Variants in GABRG1 observed in about 807,000 individuals in gnomAD.
GABRG1 encodes gamma-aminobutyric acid receptor subunit gamma-1.
In GABRG1, 49 loss-of-function variants were observed where a neutral mutation model predicts 49.8. The observed-to-expected ratio is 0.98, with a 90% CI of 0.78 to 1.25. GABRG1 has a LOEUF of 1.25. Among genes scored for constraint, GABRG1 ranks in the 50% most tolerant of loss-of-function variants. GABRG1 has a pLI of 0.00. For missense variants in GABRG1, 552 were observed against 552.3 expected, an observed-to-expected ratio of 1.00 and a Z score of 0.01; for synonymous variants, 232 against 185.1, an observed-to-expected ratio of 1.25 and a Z score of -2.06.
At chr4:46,092,272 T>A (rs1909018) in intron 2 of GABRG1, among the ~76,000 whole-genome samples, 15,987 of 152,026 alleles carry the variant, frequency 0.11, 1,916 homozygotes, top group African/African-American at 0.29. Context: ...ATAATAATCA[T>A]GTCTTTTGGT....
intron 2 of GABRG1, among the ~76,000 whole-genome samples, chr4:46,096,829 G>T (rs903018625): frequency 6.6e-6 from 1 of 151,550 alleles, no homozygotes; most frequent in Non-Finnish European, 1.5e-5. Context: ...AATATGGCAT[G>T]AAAAAGTATA....
At chr4:46,083,629 C>T (rs1480299986) in intron 3 of GABRG1, among the ~76,000 whole-genome samples, 1 of 151,554 alleles carries the variant, frequency 6.6e-6, no homozygotes, top group East Asian at 1.9e-4. Context: ...TTTGTGCATG[C>T]TGCTTTCTCT....
chr4:46,040,951 G>C lies in GABRG1; in HGVS notation c.*37C>G. On this transcript the variant is annotated 3_prime_UTR_variant, in exon 9 of 9. Coordinates refer to ENST00000295452, the MANE Select transcript of GABRG1 (RefSeq NM_173536.4). ...AGCACAAAAGATTCTACTGAATTTA[G>C]TCAGACTTCTTTTGATTTTTGCTTA... 1 of 1,575,162 alleles carries C rather than the reference G, an allele frequency of 6.3e-7. No homozygotes were observed. Among genetic ancestry groups the C allele is most frequent in the Non-Finnish European group, 8.6e-7 (1 of 1,159,574 alleles).
At chr4:46,083,873 A>G in intron 3 of GABRG1, 113 bp downstream of exon 3, 1 of 691,624 alleles carries the variant, frequency 1.4e-6, no homozygotes, top group Non-Finnish European at 2.6e-6. Context: ...GTACATGTTG[A>G]TCTGAATTCA....
At chr4:46,117,604 C>CTATA (rs1221202997) in intron 1 of GABRG1, among the ~76,000 whole-genome samples, 1 of 140,020 alleles carries the variant, frequency 7.1e-6, no homozygotes, top group Non-Finnish European at 1.6e-5. Context: ...CTCTCTCTCT[C>CTATA]TCTCTCTCTA....
intron 3 of GABRG1, among the ~76,000 whole-genome samples, chr4:46,075,443 G>A (rs752269564): frequency 1.3e-5 from 2 of 151,860 alleles, no homozygotes; most frequent in Admixed American, 6.6e-5. Context: ...TGATCCTCCC[G>A]CCTCGGCCTC....
At chr4:46,108,961 A>G (rs1577668973) in intron 1 of GABRG1, among the ~76,000 whole-genome samples, 1 of 151,024 alleles carries the variant, frequency 6.6e-6, no homozygotes, top group East Asian at 2.0e-4. Context: ...ACCCATAGTG[A>G]TGTTTTTAAT....
rs572105867 is a variant in GABRG1, at chr4:46,058,851, C to T, written c.626-229G>A. Among the ~76,000 whole-genome samples, 8 of 151,992 alleles carry T rather than the reference C, an allele frequency of 5.3e-5. No individual in the cohort carries two copies. The East Asian group carries it at 9.7e-4, about 18-fold the overall frequency. On this transcript the variant is annotated intron_variant, in intron 5 of 8. Transcript: ENST00000295452. ...AATCTACTTAAGAAATAGAAACTTG[C>T]TAACACACAGAAAACCCAATATGTC...
rs555429634 is a variant in GABRG1 at position 46,064,219 on chromosome 4, T to C, written c.625+222A>G. Among the ~76,000 whole-genome samples the C allele has an allele frequency of 2.0e-4, 30 of 152,218 alleles. 1 individual carries two copies. Among genetic ancestry groups the C allele is most frequent in the African/African-American group, 6.7e-4 (28 of 41,594 alleles). On this transcript the variant is annotated intron_variant, in intron 5 of 8. Coordinates refer to ENST00000295452, the MANE Select transcript of GABRG1 (RefSeq NM_173536.4). Reference sequence around the variant, plus strand: ...AGCATTGGAATAAAATTAAAAGTTATAAAGAATGTTTTAATAAAATATATG... The same window carrying C: ...AGCATTGGAATAAAATTAAAAGTTACAAAGAATGTTTTAATAAAATATATG...
At chr4:46,063,288 C>T (rs1224951813) in intron 5 of GABRG1, among the ~76,000 whole-genome samples, 1 of 151,920 alleles carries the variant, frequency 6.6e-6, no homozygotes, top group Non-Finnish European at 1.5e-5. Context: ...GCTACAGTAA[C>T]CAAAACAGCA....
At chr4:46,044,811 C>T (rs548606585) in intron 8 of GABRG1, among the ~76,000 whole-genome samples, 52 of 152,176 alleles carry the variant, frequency 3.4e-4, no homozygotes, top group Non-Finnish European at 6.5e-4. Flanking sequence ...AAGATGACGA[C>T]GGTTGGCATT....
chr4:46,116,545 A>G (rs1720892938), intron 1 of GABRG1, among the ~76,000 whole-genome samples: 1 of 150,812 alleles, frequency 6.6e-6, no homozygotes, highest in African/African-American at 2.4e-5. Flanking sequence ...TTAAAAGTGG[A>G]AGAAAGAAAT....
intron 7 of GABRG1, among the ~76,000 whole-genome samples, chr4:46,056,151 T>TAAAAAAAAAAAAAA (rs1182116080): frequency 4.4e-4 from 4 of 9,146 alleles, no homozygotes; most frequent in African/African-American, 1.9e-3. Flanking sequence ...ATAAATAAAT[T>TAAAAAAAAAAAAAA]AAAAAAAAAA....
At chr4:46,042,038 A>G (rs1717806407) in intron 8 of GABRG1, among the ~76,000 whole-genome samples, 1 of 152,042 alleles carries the variant, frequency 6.6e-6, no homozygotes, top group South Asian at 2.1e-4. Flanking sequence ...TTAAAAAGTG[A>G]AAGTATTATT....
intron 8 of GABRG1, among the ~76,000 whole-genome samples, chr4:46,045,070 G>A (rs1453992863): frequency 3.3e-5 from 5 of 151,994 alleles, no homozygotes; most frequent in Non-Finnish European, 7.4e-5. Context: ...CCTATTTGGG[G>A]AACAATCATG....
At chr4:46,093,470 G>A (rs1254821049) in intron 2 of GABRG1, among the ~76,000 whole-genome samples, 1 of 151,912 alleles carries the variant, frequency 6.6e-6, no homozygotes, top group Non-Finnish European at 1.5e-5. Flanking sequence ...TAGGGGAGTG[G>A]GGATGGTTAA....
In GABRG1 at chr4:46,091,618, C is replaced by T. The variant is rs114829113; in HGVS notation, c.253+5583G>A. Among the ~76,000 whole-genome samples the T allele has an allele frequency of 9.3e-4, 142 of 151,872 alleles. 1 individual carries two copies. Among genetic ancestry groups the T allele is most frequent in the African/African-American group, 3.0e-3 (123 of 41,422 alleles). On this transcript the variant is annotated intron_variant, in intron 2 of 8. Coordinates refer to ENST00000295452, the MANE Select transcript of GABRG1 (RefSeq NM_173536.4). ...AATACTACCAGTGAGAAACATTGAA[C>T]GGGAAATTAGGTCGGTAATAAAGAG...
At chr4:46,046,575 C>T (rs143777295) in intron 8 of GABRG1, among the ~76,000 whole-genome samples, 24 of 152,136 alleles carry the variant, frequency 1.6e-4, no homozygotes, top group African/African-American at 5.8e-4. Flanking sequence ...TATTTTAGTA[C>T]TCTGAGAGGT....
chr4:46,120,178 A>G (rs1227654352), intron 1 of GABRG1, among the ~76,000 whole-genome samples: 1 of 151,704 alleles, frequency 6.6e-6, no homozygotes, highest in Non-Finnish European at 1.5e-5. Context: ...AAGCCTGCCC[A>G]TATGTGAATT....
Sources: gnomAD v4.1 joint callset for allele counts (sites outside exome capture counted in the v4.1 genomes callset) on GRCh38, gnomAD v4.1.1 for gene constraint, MANE v1.5 for transcripts, NCBI Gene and HGNC (gene_info 2026-07-23, HGNC 2026-07-21) for gene names.